The following SGCZ variants were observed in gnomAD, a reference collection of about 807,000 sequenced individuals.
SGCZ encodes the protein sarcoglycan zeta.
SGCZ carries 40 observed loss-of-function variants against 41.3 expected under a neutral mutation model. The observed-to-expected ratio is 0.97, with a 90% confidence interval of 0.75 to 1.26. The LOEUF is 1.26. SGCZ is among the 50% of genes most tolerant of loss of function. The pLI, the probability that SGCZ is intolerant of heterozygous loss-of-function variation, is 0.00. For synonymous variants in SGCZ, 206 were observed against 137.5 expected (o/e 1.50, Z -3.49); for missense variants, 552 against 369.8 (o/e 1.49, Z -4.04).
chr8:14,589,042 A>G (rs1805155343), intron 1 of SGCZ, among the ~76,000 whole-genome samples: 1 of 152,112 alleles, frequency 6.6e-6, no homozygotes, highest in Non-Finnish European at 1.5e-5. Context: ...CCCTTCCATC[A>G]ATTGTGTGAC....
At chr8:14,277,212 C>T (rs1800267876) in intron 3 of SGCZ, among the ~76,000 whole-genome samples, 1 of 152,068 alleles carries the variant, frequency 6.6e-6, no homozygotes, top group African/African-American at 2.4e-5. Context: ...TGCCAATGTC[C>T]CCATTACTGT....
intron 2 of SGCZ, among the ~76,000 whole-genome samples, chr8:14,530,224 A>T (rs576881979): frequency 6.6e-5 from 10 of 152,024 alleles, no homozygotes; most frequent in Admixed American, 4.6e-4. Context: ...ATTTTTTTTA[A>T]AAAAAATATA....
intron 1 of SGCZ, among the ~76,000 whole-genome samples, chr8:15,149,496 T>C (rs187461002): frequency 3.9e-5 from 6 of 152,288 alleles, no homozygotes; most frequent in African/African-American, 1.4e-4. Flanking sequence ...GCTTTTTGCA[T>C]TTCCTCCAGC....
chr8:14,181,509 G>A (rs1804725689), intron 4 of SGCZ, among the ~76,000 whole-genome samples: 3 of 152,210 alleles, frequency 2.0e-5, no homozygotes, highest in African/African-American at 4.8e-5. Flanking sequence ...GGCGTTACCT[G>A]TTGATATGGT....
intron 2 of SGCZ, among the ~76,000 whole-genome samples, chr8:14,358,644 C>T (rs1305578109): frequency 6.6e-6 from 1 of 152,090 alleles, no homozygotes; most frequent in Non-Finnish European, 1.5e-5. Flanking sequence ...TGGAGTCTTG[C>T]TCTGCTGCCC....
chr8:15,172,791 T>G (rs1055836381), intron 1 of SGCZ, among the ~76,000 whole-genome samples: 1 of 152,178 alleles, frequency 6.6e-6, no homozygotes, highest in South Asian at 2.1e-4. Context: ...CAAAAGTAGA[T>G]ACTTTAAAAA....
intron 2 of SGCZ, among the ~76,000 whole-genome samples, chr8:14,469,536 A>C (rs187516883): frequency 6.6e-6 from 1 of 152,108 alleles, no homozygotes; most frequent in African/African-American, 2.4e-5. Flanking sequence ...ATTTCCTGGC[A>C]TACAACTCCT....
At chr8:14,396,833 G>T (rs1798933451) in intron 2 of SGCZ, among the ~76,000 whole-genome samples, 1 of 151,650 alleles carries the variant, frequency 6.6e-6, no homozygotes, top group Non-Finnish European at 1.5e-5. Context: ...CAACCCTAAG[G>T]CACATCTCTA....
intron 5 of SGCZ, among the ~76,000 whole-genome samples, chr8:14,113,969 T>C (rs1449121014): frequency 1.3e-5 from 2 of 152,180 alleles, no homozygotes; most frequent in East Asian, 1.9e-4. Flanking sequence ...TTATAGTATC[T>C]GTGAAACATT....
At chr8:15,041,027 T>C (rs1031426580) in intron 1 of SGCZ, among the ~76,000 whole-genome samples, 9 of 151,950 alleles carry the variant, frequency 5.9e-5, no homozygotes, top group African/African-American at 1.7e-4. Flanking sequence ...ATTTAAATAA[T>C]AGAGTAAAAT....
At chr8:14,777,689 A>T (rs1800451807) in intron 1 of SGCZ, among the ~76,000 whole-genome samples, 1 of 151,982 alleles carries the variant, frequency 6.6e-6, no homozygotes, top group African/African-American at 2.4e-5. Context: ...TTGCAACTTG[A>T]CTCCAAATGG....
At chr8:14,622,699 G>T (rs1490015157) in intron 1 of SGCZ, among the ~76,000 whole-genome samples, 2 of 152,132 alleles carry the variant, frequency 1.3e-5, no homozygotes, top group Admixed American at 1.3e-4. Context: ...ACACATTAAG[G>T]ATGACACAAT....
At chr8:15,035,177 G>A (rs9650385) in intron 1 of SGCZ, among the ~76,000 whole-genome samples, 135,768 of 152,024 alleles carry the variant, frequency 0.89, 61,928 homozygotes, top group Non-Finnish European at 0.99. Context: ...ATATAAAGAG[G>A]TGTCAACTGT....
chr8:14,241,062 T>C (rs1398610124), intron 3 of SGCZ, among the ~76,000 whole-genome samples: 1 of 152,150 alleles, frequency 6.6e-6, no homozygotes, highest in Non-Finnish European at 1.5e-5. Context: ...AATAAAGAAA[T>C]GAATGCTCCT....
intron 1 of SGCZ, among the ~76,000 whole-genome samples, chr8:14,613,104 C>T (rs903279714): frequency 1.3e-5 from 2 of 152,146 alleles, no homozygotes; most frequent in African/African-American, 2.4e-5. Context: ...CCACATGCAC[C>T]CTGCCTGGCA....
intron 1 of SGCZ, among the ~76,000 whole-genome samples, chr8:14,649,323 T>C (rs1317136010): frequency 6.6e-6 from 1 of 152,122 alleles, no homozygotes; most frequent in African/African-American, 2.4e-5. Context: ...ATGACATGCA[T>C]ACTTTGCCAA....
At chr8:14,445,778 G>A (rs1311781330) in intron 2 of SGCZ, among the ~76,000 whole-genome samples, 1 of 152,180 alleles carries the variant, frequency 6.6e-6, no homozygotes, top group Non-Finnish European at 1.5e-5. Flanking sequence ...CTGTTAGTCT[G>A]CAGACAGTGG....
chr8:14,339,758 G>A (rs531479149), intron 2 of SGCZ, among the ~76,000 whole-genome samples: 2 of 152,150 alleles, frequency 1.3e-5, no homozygotes, highest in South Asian at 2.1e-4. Flanking sequence ...TTAAAAAGAC[G>A]AGTACATAGC....
intron 2 of SGCZ, among the ~76,000 whole-genome samples, chr8:14,550,543 A>G (rs999968884): frequency 6.6e-6 from 1 of 151,926 alleles, no homozygotes; most frequent in African/African-American, 2.4e-5. Context: ...TGGCTGTACT[A>G]CTGCTATGTG....
Sources: allele counts gnomAD v4.1 joint callset (sites outside exome capture counted in the v4.1 genomes callset), GRCh38; gene constraint gnomAD v4.1.1; transcripts MANE v1.5; gene names NCBI Gene and HGNC (gene_info 2026-07-23, HGNC 2026-07-21).